Variants in F2RL1 observed in about 807,000 individuals in gnomAD.
F2RL1 encodes the protein F2R like trypsin receptor 1, also known as proteinase-activated receptor 2.
A neutral mutation model predicts 21.7 loss-of-function variants in F2RL1; 16 were observed. The ratio of observed to expected loss-of-function variants is 0.74; its 90% CI spans 0.50 to 1.12. The LOEUF is 1.12. Among genes scored for constraint, F2RL1 ranks in the 50% most tolerant of loss-of-function variants. The probability of loss-of-function intolerance (pLI) is 0.00; values close to 1 mark genes in which losing one functional copy is unlikely to be tolerated. For synonymous variants in F2RL1, 181 were observed against 186.7 expected, an observed-to-expected ratio of 0.97 and a Z score of 0.25; for missense variants, 432 against 477.8, an observed-to-expected ratio of 0.90 and a Z score of 0.89.
Position 76,833,240 on chromosome 5 carries a change from C to A in F2RL1, c.633C>A (p.Val211=). Residue 211 remains valine, a synonymous_variant, in exon 2 of 2, where the codon GTC becomes GTA. Transcript: ENST00000296677. Reference sequence around the variant, plus strand: ...TGCTGGTCACCATTCCTTTGTATGTCGTGAAGCAGACCATCTTCATTCCTG... The same window carrying A: ...TGCTGGTCACCATTCCTTTGTATGTAGTGAAGCAGACCATCTTCATTCCTG... ...LILLVTIPLY[V]VKQTIFIPAL... 6.2e-7 allele frequency: 1 copy of A among 1,613,672 alleles called. No homozygotes were observed.
In F2RL1 at chr5:76,821,872, C is replaced by T. The variant is rs2243008; in HGVS notation, c.82+2608C>T. Among the ~76,000 whole-genome samples, 460 of 151,938 alleles carry T rather than the reference C, an allele frequency of 3.0e-3. 4 individuals are homozygous for T. Among genetic ancestry groups the T allele is most frequent in the African/African-American group, 0.01 (421 of 41,438 alleles). ...CTGGGATTACAGGCATGAGCTACTG[C>T]GCCCTACCTATAATTGTTTTTTAAA... On this transcript the variant is annotated intron_variant, in intron 1 of 1. Coordinates refer to ENST00000296677, the MANE Select transcript of F2RL1 (RefSeq NM_005242.6).
chr5:76,834,129 A>G lies in F2RL1; in HGVS notation c.*328A>G, dbSNP rs1159452397. The G allele has an allele frequency of 5.4e-6, 1 of 183,560 alleles. No individual in the cohort carries two copies. 11.4% of individuals were successfully genotyped at this position (183,560 alleles called of 1,614,324 possible). ...GAAGACTCACTTCTCAGCTGAAATT[A>G]TATATATACACATATATATATTTTA... is the stretch of plus-strand genomic sequence containing the variant. On this transcript the variant is annotated 3_prime_UTR_variant, in exon 2 of 2. Transcript: ENST00000296677.
intron 1 of F2RL1, among the ~76,000 whole-genome samples, chr5:76,825,879 T>C (rs1389378764): frequency 6.6e-6 from 1 of 152,240 alleles, no homozygotes; most frequent in African/African-American, 2.4e-5. Flanking sequence ...AAAAAATTGT[T>C]ATATTGCCAT....
Position 76,834,386 on chromosome 5 carries a change from GTAATCCTAGCAC to G in F2RL1, c.*587_*598del, listed in dbSNP as rs1561213536. On this transcript the variant is annotated 3_prime_UTR_variant, in exon 2 of 2. Transcript: ENST00000296677. ...TGGCTGGGTGCGGTGCCTCATGCCTGTAATCCTAGCACTTTGGGAGGCTGAGGCAGGCAATCA... is the reference window on the plus strand; with the variant it reads ...TGGCTGGGTGCGGTGCCTCATGCCTGTTTGGGAGGCTGAGGCAGGCAATCA... 1 of 152,234 alleles carries G rather than the reference GTAATCCTAGCAC, an allele frequency of 6.6e-6. No homozygotes were observed. Among genetic ancestry groups the G allele is most frequent in the African/African-American group, 2.4e-5 (1 of 41,434 alleles). The allele number at this position is 152,234 out of a possible 1,614,324, so 9.4% of individuals were successfully genotyped here.
chr5:76,833,460 G>A lies in F2RL1; in HGVS notation c.853G>A (p.Ala285Thr). The A allele has an allele frequency of 6.2e-7, 1 of 1,613,744 alleles. No individual in the cohort carries two copies. The highest frequency in any genetic ancestry group is 8.5e-7 in the Non-Finnish European group (1 of 1,179,994). ...DENSEKKRKR[A>T]IKLIVTVLAM... ...AAACTCAGAGAAGAAAAGGAAGAGG[G>A]CCATCAAACTCATTGTCACTGTCCT... is the stretch of plus-strand genomic sequence containing the variant. Residue 285 changes from alanine to threonine, a missense_variant, in exon 2 of 2, where the codon GCC becomes ACC. Coordinates refer to ENST00000296677, the MANE Select transcript of F2RL1 (RefSeq NM_005242.6).
intron 1 of F2RL1, among the ~76,000 whole-genome samples, chr5:76,831,084 G>A (rs1033047709): frequency 6.6e-6 from 1 of 152,158 alleles, no homozygotes; most frequent in South Asian, 2.1e-4. Flanking sequence ...CTTAGGGGCA[G>A]AATGTAGGGA....
Position 76,833,321 on chromosome 5 carries a change from C to T in F2RL1, c.714C>T (p.Asp238=), listed in dbSNP as rs773937387. The change falls in exon 2 of 2, where the codon GAC becomes GAT. Residue 238 remains aspartate, a synonymous_variant. Coordinates refer to ENST00000296677, the MANE Select transcript of F2RL1 (RefSeq NM_005242.6). ...DVLPEQLLVG[D]MFNYFLSLAI... ...TGCCTGAGCAGCTCTTGGTGGGAGA[C>T]ATGTTCAATTACTTCCTCTCTCTGG... The T allele has an allele frequency of 1.2e-6, 2 of 1,613,926 alleles. No individual in the cohort carries two copies. The highest frequency in any genetic ancestry group is 1.7e-6 in the Non-Finnish European group (2 of 1,180,016).
intron 1 of F2RL1, among the ~76,000 whole-genome samples, chr5:76,831,342 C>T (rs1470435667): frequency 6.6e-6 from 1 of 151,882 alleles, no homozygotes; most frequent in African/African-American, 2.4e-5. Context: ...CCCTTGTGGT[C>T]CTGGAATCTC....
At chr5:76,824,877 A>G in intron 1 of F2RL1, among the ~76,000 whole-genome samples, 1 of 152,208 alleles carries the variant, frequency 6.6e-6, no homozygotes, top group East Asian at 1.9e-4. Flanking sequence ...TTCAAATAAT[A>G]TAGAGAGGTG....
chr5:76,821,582 T>C (rs1750136976), intron 1 of F2RL1, among the ~76,000 whole-genome samples: 1 of 129,196 alleles, frequency 7.7e-6, no homozygotes, highest in South Asian at 3.0e-4. Context: ...TTTTTGGTTT[T>C]TTGGGTTTTT....
At position 76,834,702 on chromosome 5, in the gene F2RL1, C is replaced by T. The variant is rs1478457185; in HGVS notation, c.*901C>T. The T allele has an allele frequency of 6.6e-6, 1 of 152,158 alleles. No individual in the cohort carries two copies. The highest frequency in any genetic ancestry group is 1.5e-5 in the Non-Finnish European group (1 of 68,044). The allele number at this position is 152,158 out of a possible 1,614,324, so 9.4% of individuals were successfully genotyped here. On this transcript the variant is annotated 3_prime_UTR_variant, in exon 2 of 2. Transcript: ENST00000296677. ...TCAGATTCAATAATGAGAGCTCAGA[C>T]TGGGAACAGGGCCCAGGAATCTGTG...
chr5:76,819,407 G>C (rs1750086738), intron 1 of F2RL1, 143 bp downstream of exon 1: 1 of 724,386 alleles, frequency 1.4e-6, no homozygotes, highest in Non-Finnish European at 2.2e-6. Flanking sequence ...GCCTCCCCTT[G>C]GTGGCTTTGA....
rs1451937601 is a variant in F2RL1, at chr5:76,835,127, T to A, written c.*1326T>A. On this transcript the variant is annotated 3_prime_UTR_variant, in exon 2 of 2. Transcript: ENST00000296677. ...ATTTATTGTCAGTTTTGTTCACTTG[T>A]TATCTAATACAAAATTATAAAGCCT... 1 of 152,366 alleles carries A rather than the reference T, an allele frequency of 6.6e-6. No individual in the cohort carries two copies. Among genetic ancestry groups the A allele is most frequent in the Non-Finnish European group, 1.5e-5 (1 of 68,040 alleles). The allele number at this position is 152,366 out of a possible 1,614,324, so 9.4% of individuals were successfully genotyped here. A position where few individuals can be genotyped will look rare whatever the true frequency, so the allele number is the denominator to read the frequency against.
intron 1 of F2RL1, among the ~76,000 whole-genome samples, chr5:76,830,638 G>T (rs1218821116): frequency 6.6e-6 from 1 of 152,186 alleles, no homozygotes; most frequent in African/African-American, 2.4e-5. Context: ...ATAACCCAGG[G>T]AGATCTTCTT....
intron 1 of F2RL1, among the ~76,000 whole-genome samples, chr5:76,829,264 T>C (rs1350456188): frequency 3.7e-5 from 1 of 27,234 alleles, no homozygotes; most frequent in East Asian, 3.4e-4. Context: ...CTTCTTCTTC[T>C]TTTTTTTTTT....
intron 1 of F2RL1, among the ~76,000 whole-genome samples, chr5:76,824,156 CACA>C (rs140007540): frequency 1.6e-4 from 18 of 112,372 alleles, no homozygotes; most frequent in African/African-American, 5.1e-4. Context: ...TCCTCCCCAC[CACA>C]CCCCCCCCCC....
intron 1 of F2RL1, among the ~76,000 whole-genome samples, chr5:76,831,806 G>A (rs910243682): frequency 1.5e-4 from 23 of 151,984 alleles, no homozygotes; most frequent in African/African-American, 1.2e-4. Flanking sequence ...GAGATTACAC[G>A]CATGAGCCAC....
rs564357214 is a variant in F2RL1 at position 76,826,038 on chromosome 5, G to A, written c.83-6652G>A. Among the ~76,000 whole-genome samples the A allele has an allele frequency of 6.2e-4, 94 of 152,202 alleles. 1 individual carries two copies. Among genetic ancestry groups the A allele is most frequent in the South Asian group, 6.0e-3 (29 of 4,818 alleles). ...AATATACTATTATAGTGAATTAAGT[G>A]TATCCACCACTCAACTTCAATAATT... On this transcript the variant is annotated intron_variant, in intron 1 of 1. Transcript: ENST00000296677.
At chr5:76,820,500 A>AT (rs1383766623) in intron 1 of F2RL1, among the ~76,000 whole-genome samples, 10 of 151,542 alleles carry the variant, frequency 6.6e-5, no homozygotes, top group South Asian at 2.1e-4. Flanking sequence ...CCGCTGGTAT[A>AT]TTTTTTTTTC....
Sources: gnomAD v4.1 joint callset for allele counts (sites outside exome capture counted in the v4.1 genomes callset) on GRCh38, gnomAD v4.1.1 for gene constraint, MANE v1.5 for transcripts, NCBI Gene and HGNC (gene_info 2026-07-23, HGNC 2026-07-21) for gene names.